Variants in ZBTB20 observed in about 807,000 individuals in gnomAD.
The protein encoded by ZBTB20 is zinc finger and BTB domain-containing protein 20.
A neutral mutation model predicts 56.9 loss-of-function variants in ZBTB20; 9 were observed. That is an observed-to-expected ratio of 0.16 (90% confidence interval 0.10 to 0.28). The LOEUF (loss-of-function observed/expected upper bound fraction) is 0.28. Among genes scored for constraint, ZBTB20 ranks in the 10% least tolerant of loss-of-function variants. The pLI is 1.00. For synonymous variants in ZBTB20, 417 were observed against 420.7 expected, an observed-to-expected ratio of 0.99 and a Z score of 0.11; for missense variants, 655 against 1,003.0, an observed-to-expected ratio of 0.65 and a Z score of 4.69.
chr3:114,789,577 A>G (rs1235947688), intron 5 of ZBTB20, among the ~76,000 whole-genome samples: 1 of 152,176 alleles, frequency 6.6e-6, no homozygotes, highest in Non-Finnish European at 1.5e-5. Flanking sequence ...AAGTGAAGGT[A>G]ATTTTAAAAG....
At chr3:115,050,394 A>G (rs972010328) in intron 2 of ZBTB20, among the ~76,000 whole-genome samples, 2 of 151,964 alleles carry the variant, frequency 1.3e-5, no homozygotes, top group African/African-American at 4.8e-5. Context: ...GATAAAATAT[A>G]AAATTCATTA....
intron 6 of ZBTB20, chr3:114,687,825 T>C (rs758733442): frequency 3.9e-5 from 6 of 152,160 alleles, no homozygotes; most frequent in Non-Finnish European, 8.8e-5. Context: ...CAAGAAATAA[T>C]ACAGGCTCTT....
At chr3:114,606,856 G>A (rs1560027294) in intron 6 of ZBTB20, among the ~76,000 whole-genome samples, 4 of 152,130 alleles carry the variant, frequency 2.6e-5, no homozygotes, top group Admixed American at 1.3e-4. Flanking sequence ...AGCATTTTAG[G>A]AGGTTGAGGC....
intron 1 of ZBTB20, among the ~76,000 whole-genome samples, chr3:115,086,785 G>A (rs956096470): frequency 2.6e-4 from 40 of 151,786 alleles, no homozygotes; most frequent in Non-Finnish European, 2.9e-5. Context: ...TGTCTGATGT[G>A]ATGGCATCAC....
At chr3:114,367,481 A>G (rs1438580280) in intron 10 of ZBTB20, among the ~76,000 whole-genome samples, 1 of 151,998 alleles carries the variant, frequency 6.6e-6, no homozygotes, top group South Asian at 2.1e-4. Context: ...CTGGTCTCAA[A>G]CTCCTGGGCT....
chr3:114,840,467 T>G (rs898766654), intron 4 of ZBTB20, among the ~76,000 whole-genome samples: 6 of 152,228 alleles, frequency 3.9e-5, no homozygotes, highest in Non-Finnish European at 7.3e-5. Flanking sequence ...CTTTCCTGGT[T>G]GTCAGTGGAA....
At chr3:115,064,015 C>T (rs558406673) in intron 2 of ZBTB20, among the ~76,000 whole-genome samples, 2 of 152,174 alleles carry the variant, frequency 1.3e-5, no homozygotes, top group East Asian at 1.9e-4. Flanking sequence ...CTTTGCCCCC[C>T]ACATTCCCAA....
chr3:114,756,280 T>C (rs1174140185), intron 5 of ZBTB20, among the ~76,000 whole-genome samples: 1 of 152,186 alleles, frequency 6.6e-6, no homozygotes, highest in East Asian at 1.9e-4. Flanking sequence ...TTCTTTGGGC[T>C]ATAGATTCAC....
chr3:115,029,307 T>C (rs1244311337), intron 2 of ZBTB20, among the ~76,000 whole-genome samples: 1 of 143,632 alleles, frequency 7.0e-6, no homozygotes, highest in Non-Finnish European at 1.5e-5. Context: ...ATAAATTTAA[T>C]GCAACCACTC....
chr3:114,992,613 G>A (rs2078864395), intron 2 of ZBTB20, among the ~76,000 whole-genome samples: 1 of 151,896 alleles, frequency 6.6e-6, no homozygotes, highest in Non-Finnish European at 1.5e-5. Context: ...TTTGTCCGCA[G>A]TGTGGGGAAA....
intron 2 of ZBTB20, among the ~76,000 whole-genome samples, chr3:115,036,070 G>A (rs2080904810): frequency 6.6e-6 from 1 of 151,988 alleles, no homozygotes; most frequent in Non-Finnish European, 1.5e-5. Flanking sequence ...GGTTGCTGGT[G>A]GGAAGGAAAA....
chr3:114,620,723 T>G (rs1347882893), intron 6 of ZBTB20, among the ~76,000 whole-genome samples: 1 of 152,200 alleles, frequency 6.6e-6, no homozygotes, highest in Non-Finnish European at 1.5e-5. Flanking sequence ...GGAGAGAAAT[T>G]AACAAACCTA....
intron 7 of ZBTB20, among the ~76,000 whole-genome samples, chr3:114,485,875 G>A (rs965878477): frequency 1.3e-4 from 20 of 152,124 alleles, no homozygotes; most frequent in African/African-American, 4.8e-4. Context: ...CTGTAACTAT[G>A]AAAAATAAGT....
chr3:114,960,805 C>T (rs964870248), intron 3 of ZBTB20, among the ~76,000 whole-genome samples: 6 of 151,858 alleles, frequency 4.0e-5, no homozygotes, highest in Middle Eastern at 3.2e-3. Flanking sequence ...GAAAAAAATG[C>T]CTGCAAAGGA....
intron 2 of ZBTB20, among the ~76,000 whole-genome samples, chr3:115,003,609 T>G (rs1387357956): frequency 6.6e-6 from 1 of 151,558 alleles, no homozygotes; most frequent in Admixed American, 6.6e-5. Context: ...GTGGGAAAAT[T>G]GCTTGAGCTC....
chr3:114,518,807 C>A (rs1199412118), intron 6 of ZBTB20: 2 of 152,120 alleles, frequency 1.3e-5, no homozygotes, highest in African/African-American at 4.8e-5. Flanking sequence ...TAATTTTTGC[C>A]CCCAGTCAGG....
At chr3:114,419,418 T>G (rs898471049) in intron 7 of ZBTB20, among the ~76,000 whole-genome samples, 1 of 152,048 alleles carries the variant, frequency 6.6e-6, no homozygotes, top group Admixed American at 6.6e-5. Context: ...AAGGACTGAC[T>G]AAACACATAG....
chr3:115,102,875 G>A (rs2083621733), intron 1 of ZBTB20: 2 of 151,982 alleles, frequency 1.3e-5, no homozygotes, highest in African/African-American at 4.8e-5. Context: ...TGAGGCAGGA[G>A]AATCGCTTGA....
rs2078764472 is a variant in ZBTB20 at position 114,990,696 on chromosome 3, G to T, written c.-506-16280C>A. Reference sequence around the variant, plus strand: ...GGAGGAATGGTACCAGCTCCTCCTTGTACCTCTGGTAGAATTCGGCTGTGG... The same window carrying T: ...GGAGGAATGGTACCAGCTCCTCCTTTTACCTCTGGTAGAATTCGGCTGTGG... On this transcript the variant is annotated intron_variant, in intron 2 of 11. Transcript: ENST00000675478. Among the ~76,000 whole-genome samples the T allele has an allele frequency of 1.3e-5, 2 of 152,096 alleles. 1 individual carries two copies. Among genetic ancestry groups the T allele is most frequent in the South Asian group, 4.1e-4 (2 of 4,836 alleles).
Sources: gnomAD v4.1 joint callset for allele counts (sites outside exome capture counted in the v4.1 genomes callset) on GRCh38, gnomAD v4.1.1 for gene constraint, MANE v1.5 for transcripts, NCBI Gene and HGNC (gene_info 2026-07-23, HGNC 2026-07-21) for gene names.